The following SNX24 variants were observed in gnomAD, a reference collection of about 807,000 sequenced individuals.
SNX24 encodes sorting nexin-24.
A neutral mutation model predicts 28.7 loss-of-function variants in SNX24; 22 were observed. The ratio of observed to expected loss-of-function variants is 0.77; its 90% CI spans 0.55 to 1.10. The LOEUF is 1.10. Ranked by LOEUF, SNX24 falls within the 50% of genes least tolerant of loss-of-function variation. The pLI, the probability that SNX24 is intolerant of heterozygous loss-of-function variation, is 0.00. For synonymous variants in SNX24, 69 were observed against 71.5 expected, an observed-to-expected ratio of 0.96 and a Z score of 0.18; for missense variants, 221 against 201.1, an observed-to-expected ratio of 1.10 and a Z score of -0.60.
chr5:122,918,820 C>T (rs977350166), intron 1 of SNX24, among the ~76,000 whole-genome samples: 5 of 152,184 alleles, frequency 3.3e-5, no homozygotes, highest in Non-Finnish European at 7.3e-5. Flanking sequence ...GTTTTCTACT[C>T]TTTCAACATA....
intron 1 of SNX24, among the ~76,000 whole-genome samples, chr5:122,918,690 A>G (rs1358590916): frequency 6.6e-6 from 1 of 152,212 alleles, no homozygotes; most frequent in Non-Finnish European, 1.5e-5. Context: ...GTGATGATCT[A>G]ATTTAACATT....
intron 3 of SNX24, among the ~76,000 whole-genome samples, chr5:122,967,792 A>G (rs546255411): frequency 1.3e-5 from 2 of 152,252 alleles, no homozygotes; most frequent in African/African-American, 2.4e-5. Flanking sequence ...AAAGGCACAC[A>G]TGGCTTACCA....
intron 3 of SNX24, among the ~76,000 whole-genome samples, chr5:122,972,467 C>T (rs1237509806): frequency 1.3e-5 from 2 of 152,194 alleles, no homozygotes; most frequent in Non-Finnish European, 2.9e-5. Context: ...AGTATTGTCA[C>T]CTAGCTGGCA....
In SNX24 at chr5:122,883,367, A is replaced by G. The variant is rs1756563174; in HGVS notation, c.60+37674A>G. Reference sequence around the variant, plus strand: ...TTCTTCTTTGTTTATACAATTATTAATAGCATTTTCTGTATTTATTAATAT... The same window carrying G: ...TTCTTCTTTGTTTATACAATTATTAGTAGCATTTTCTGTATTTATTAATAT... On this transcript the variant is annotated intron_variant, in intron 1 of 6. Transcript: ENST00000261369. Among the ~76,000 whole-genome samples the G allele has an allele frequency of 2.6e-5, 4 of 152,194 alleles. No individual in the cohort carries two copies. In the South Asian group the frequency reaches 8.3e-4, roughly 32 times the overall value.
chr5:122,920,870 C>T (rs535674532), intron 1 of SNX24, among the ~76,000 whole-genome samples: 11 of 152,138 alleles, frequency 7.2e-5, no homozygotes, highest in Admixed American at 2.0e-4. Context: ...AAAAATTGTG[C>T]ATAATCCCTC....
At chr5:122,986,334 A>G (rs935885004) in intron 3 of SNX24, among the ~76,000 whole-genome samples, 1 of 152,216 alleles carries the variant, frequency 6.6e-6, no homozygotes, top group African/African-American at 2.4e-5. Flanking sequence ...ATCAGCCTTA[A>G]GGTTTTAAAA....
At chr5:122,859,563 C>T (rs1188614708) in intron 1 of SNX24, among the ~76,000 whole-genome samples, 1 of 152,166 alleles carries the variant, frequency 6.6e-6, no homozygotes, top group African/African-American at 2.4e-5. Context: ...GATCAATCTA[C>T]TGCACCCTAG....
intron 1 of SNX24, among the ~76,000 whole-genome samples, chr5:122,902,570 G>C (rs978395479): frequency 3.3e-5 from 5 of 152,070 alleles, no homozygotes; most frequent in South Asian, 2.1e-4. Context: ...TCAGGGCCTC[G>C]ATTCTCTGTA....
intron 1 of SNX24, chr5:122,890,971 A>ACTC: frequency 7.8e-7 from 1 of 1,277,974 alleles, no homozygotes; most frequent in Non-Finnish European, 1.0e-6. Context: ...AAATTTAAAT[A>ACTC]GTATATAAGA....
At chr5:122,858,471 C>T (rs1755307817) in intron 1 of SNX24, among the ~76,000 whole-genome samples, 1 of 152,230 alleles carries the variant, frequency 6.6e-6, no homozygotes, top group African/African-American at 2.4e-5. Context: ...TGTTTGTCTT[C>T]AATCAATAGC....
chr5:122,889,104 T>C (rs1336759988), intron 1 of SNX24, among the ~76,000 whole-genome samples: 1 of 152,182 alleles, frequency 6.6e-6, no homozygotes, highest in Non-Finnish European at 1.5e-5. Context: ...CTGCCCGCCT[T>C]GGCCTCCCAA....
intron 1 of SNX24, among the ~76,000 whole-genome samples, chr5:122,929,875 C>CT (rs1014217899): frequency 1.1e-4 from 16 of 150,204 alleles, no homozygotes; most frequent in South Asian, 4.3e-4. Context: ...TTGTGAATTC[C>CT]TTTTTTTTTC....
intron 2 of SNX24, among the ~76,000 whole-genome samples, chr5:122,940,738 T>C (rs78593067): frequency 6.6e-6 from 1 of 152,028 alleles, no homozygotes; most frequent in East Asian, 2.0e-4. Context: ...TGCTCAGCTA[T>C]TTTTTTGTAT....
intron 1 of SNX24, among the ~76,000 whole-genome samples, chr5:122,903,812 T>C (rs1757537957): frequency 6.6e-6 from 1 of 152,214 alleles, no homozygotes; most frequent in African/African-American, 2.4e-5. Context: ...GATAAGCTTC[T>C]GCTTTGTTAC....
rs555164574 is a variant in SNX24 at position 122,889,663 on chromosome 5, GTA to G, written c.60+43980_60+43981del. ...TACACATACATATGTATATATATGT[GTA>G]TATATATATGTGTATATATATGTAT... is the stretch of plus-strand genomic sequence containing the variant. On this transcript the variant is annotated intron_variant, in intron 1 of 6. Coordinates refer to ENST00000261369, the MANE Select transcript of SNX24 (RefSeq NM_014035.4). 4.5e-3 allele frequency among the ~76,000 whole-genome samples: 647 copies of G among 142,266 alleles called. 3 individuals carry two copies. Among genetic ancestry groups the G allele is most frequent in the African/African-American group, 0.015 (587 of 38,192 alleles). The allele number at this position is 142,266 out of a possible 152,430, so 93.3% of individuals were successfully genotyped here. A position where few individuals can be genotyped will look rare whatever the true frequency, so the allele number is the denominator to read the frequency against.
In SNX24 at chr5:123,001,978, A is replaced by G; in HGVS notation, c.416A>G (p.Asp139Gly). The part of the protein sequence containing the change: ...SHQPVLLFLR[D>G]PYVLPAASDF... The stretch of plus-strand genomic sequence containing the variant: ...CAGCCTGTGCTGCTGTTCCTCAGGG[A>G]TCCATATGTCTTGCCTGCAGCCAGC... Residue 139 changes from aspartate to glycine, a missense_variant, in exon 6 of 7, where the codon GAT becomes GGT. Transcript: ENST00000261369. 1 of 1,614,118 alleles carries G rather than the reference A, an allele frequency of 6.2e-7. No individual in the cohort carries two copies. The highest frequency in any genetic ancestry group is 8.5e-7 in the Non-Finnish European group (1 of 1,179,998).
At chr5:122,845,765 T>G (rs1464729582) in intron 1 of SNX24, 72 bp downstream of exon 1, 1 of 941,212 alleles carries the variant, frequency 1.1e-6, no homozygotes, top group Non-Finnish European at 1.4e-6. Context: ...GAAACACCCT[T>G]GGCCGCCGCC....
intron 3 of SNX24, among the ~76,000 whole-genome samples, chr5:122,970,119 A>T (rs1385772859): frequency 6.7e-6 from 1 of 149,072 alleles, no homozygotes; most frequent in Non-Finnish European, 1.5e-5. Flanking sequence ...CTCTAAGATC[A>T]TCATGGCAGT....
At chr5:122,955,814 A>C (rs979320744) in intron 3 of SNX24, among the ~76,000 whole-genome samples, 43 of 152,292 alleles carry the variant, frequency 2.8e-4, no homozygotes, top group African/African-American at 1.0e-3. Flanking sequence ...CCAAGTGGTG[A>C]AAGCCCTGGT....
Sources: gnomAD v4.1 joint callset for allele counts (sites outside exome capture counted in the v4.1 genomes callset) on GRCh38, gnomAD v4.1.1 for gene constraint, MANE v1.5 for transcripts, NCBI Gene and HGNC (gene_info 2026-07-23, HGNC 2026-07-21) for gene names.